Variants in PCDHA7 observed in about 807,000 individuals in gnomAD.
PCDHA7 encodes protocadherin alpha-7.
PCDHA7 carries 37 observed loss-of-function variants against 57.2 expected under a neutral mutation model. The observed-to-expected ratio is 0.65, with a 90% CI of 0.50 to 0.85. The LOEUF (loss-of-function observed/expected upper bound fraction) is 0.85, where lower values mean the gene tolerates loss of function less well. Among genes scored for constraint, PCDHA7 ranks in the 40% least tolerant of loss-of-function variants. The pLI is 0.00. For synonymous variants in PCDHA7, 553 were observed against 558.8 expected (o/e 0.99, Z 0.15); for missense variants, 1,188 against 1,241.8 (o/e 0.96, Z 0.65).
At chr5:140,956,212 C>A (rs246014) in intron 1 of PCDHA7, among the ~76,000 whole-genome samples, 85,603 of 151,956 alleles carry the variant, frequency 0.56, 24,735 homozygotes, top group African/African-American at 0.69. Context: ...AAGAGGGCAT[C>A]CTTGTCTTGT....
At chr5:140,939,243 T>C (rs1414943094) in intron 1 of PCDHA7, among the ~76,000 whole-genome samples, 1 of 152,168 alleles carries the variant, frequency 6.6e-6, no homozygotes, top group Non-Finnish European at 1.5e-5. Context: ...AGGAGCAAGG[T>C]AGCTCTCTGG....
intron 1 of PCDHA7, chr5:140,862,359 CG>C: frequency 3.0e-6 from 1 of 337,856 alleles, no homozygotes; most frequent in Non-Finnish European, 5.8e-6. Flanking sequence ...AAGGGACAGA[CG>C]ACCCGCACCC....
chr5:140,869,082 T>C (rs1554162459), intron 1 of PCDHA7: 1 of 1,582,446 alleles, frequency 6.3e-7, no homozygotes, highest in East Asian at 2.2e-5. Flanking sequence ...GAAGCTTATT[T>C]TGGAAGCCAA....
Position 140,996,044 on chromosome 5 carries a change from A to G in PCDHA7, c.2503+13481A>G, listed in dbSNP as rs569475149. Among the ~76,000 whole-genome samples, 13 of 152,366 alleles carry G rather than the reference A, an allele frequency of 8.5e-5. No homozygotes were observed. The South Asian group carries it at 1.9e-3, about 22-fold the overall frequency. Reference sequence around the variant, plus strand: ...GTTTAATGCTCCTAGCACTTAACACAGTGCTTGGCACACAGTAAAGAGGAT... The same window carrying G: ...GTTTAATGCTCCTAGCACTTAACACGGTGCTTGGCACACAGTAAAGAGGAT... On this transcript the variant is annotated intron_variant, in intron 3 of 3. Coordinates refer to ENST00000525929, the MANE Select transcript of PCDHA7 (RefSeq NM_018910.3).
chr5:140,890,128 G>T (rs1402157838), intron 1 of PCDHA7, among the ~76,000 whole-genome samples: 2 of 152,156 alleles, frequency 1.3e-5, no homozygotes, highest in East Asian at 3.9e-4. Context: ...CACTTTGGTA[G>T]CTTGAAATTG....
intron 1 of PCDHA7, among the ~76,000 whole-genome samples, chr5:140,976,409 G>C (rs1208759254): frequency 6.6e-6 from 1 of 152,064 alleles, no homozygotes; most frequent in African/African-American, 2.4e-5. Flanking sequence ...AAATTAGCCA[G>C]GTACGGTGGC....
At chr5:140,897,667 A>G (rs2066254740) in intron 1 of PCDHA7, among the ~76,000 whole-genome samples, 1 of 152,134 alleles carries the variant, frequency 6.6e-6, no homozygotes, top group Non-Finnish European at 1.5e-5. Context: ...ATGTGTCTTT[A>G]TAGCAGCATG....
At chr5:140,996,077 G>A in intron 3 of PCDHA7, among the ~76,000 whole-genome samples, 1 of 152,218 alleles carries the variant, frequency 6.6e-6, no homozygotes, top group East Asian at 1.9e-4. Flanking sequence ...GATTCAAGAT[G>A]TTTTTGCTAG....
At chr5:140,923,826 T>A (rs2081533545) in intron 1 of PCDHA7, among the ~76,000 whole-genome samples, 1 of 152,218 alleles carries the variant, frequency 6.6e-6, no homozygotes, top group East Asian at 1.9e-4. Context: ...TAGACGTCAG[T>A]GGCAGTTTAA....
chr5:140,896,486 C>T (rs2065571972), intron 1 of PCDHA7, among the ~76,000 whole-genome samples: 2 of 151,948 alleles, frequency 1.3e-5, no homozygotes, highest in African/African-American at 4.8e-5. Context: ...CCTCAGCCTC[C>T]TGAGTAGCTG....
At chr5:140,988,877 G>A (rs372950279) in intron 3 of PCDHA7, 8 of 152,310 alleles carry the variant, frequency 5.3e-5, no homozygotes, top group East Asian at 3.9e-4. Context: ...TCAGATGTAC[G>A]ATCCTGGATA....
At chr5:140,937,821 A>G (rs1270019197) in intron 1 of PCDHA7, among the ~76,000 whole-genome samples, 2 of 151,608 alleles carry the variant, frequency 1.3e-5, no homozygotes, top group Non-Finnish European at 2.9e-5. Flanking sequence ...CTGAGGCAGG[A>G]GAATGGCATG....
At chr5:141,000,414 TATATA>T (rs1398508145) in intron 3 of PCDHA7, among the ~76,000 whole-genome samples, 89 of 99,526 alleles carry the variant, frequency 8.9e-4, no homozygotes, top group African/African-American at 1.6e-3. Context: ...TATATATATA[TATATA>T]TATTTTTTTT....
chr5:140,927,420 G>A (rs782549245), intron 1 of PCDHA7: 5 of 1,614,108 alleles, frequency 3.1e-6, no homozygotes, highest in Non-Finnish European at 4.2e-6. Flanking sequence ...TGGGATCGCG[G>A]GTTGACGGCA....
chr5:140,930,892 TTTAAC>T, intron 1 of PCDHA7, among the ~76,000 whole-genome samples: 1 of 152,332 alleles, frequency 6.6e-6, no homozygotes, highest in African/African-American at 2.4e-5. Context: ...AGGGAAAAAC[TTTAAC>T]TTACTTTTCT....
At position 140,852,925 on chromosome 5, in the gene PCDHA7, C is replaced by G. The variant is rs2150525482; in HGVS notation, c.2355+16187C>G. 94 of 702,082 alleles carry G rather than the reference C, an allele frequency of 1.3e-4. 5 individuals are homozygous for G. The South Asian group carries it at 4.5e-3, about 34-fold the overall frequency. The allele number at this position is 702,082 out of a possible 1,614,324, so 43.5% of individuals were successfully genotyped here. On this transcript the variant is annotated intron_variant, in intron 1 of 3. Coordinates refer to ENST00000525929, the MANE Select transcript of PCDHA7 (RefSeq NM_018910.3). ...TCAGAGTCTCGCTCTGTTGCCCAGG[C>G]TGGAGTGCAGTGGTGCCATCTTGGC...
rs142047105 is a variant in PCDHA7, at chr5:140,842,697, A to T, written c.2355+5959A>T. 6.3e-6 allele frequency: 10 copies of T among 1,595,144 alleles called. 2 individuals are homozygous for T. The highest frequency in any genetic ancestry group is 8.6e-6 in the Non-Finnish European group (10 of 1,165,510). On this transcript the variant is annotated intron_variant, in intron 1 of 3. Transcript: ENST00000525929. ...AATGCTCCGGCGTTCGCGCAGCCCG[A>T]GTACACGGTGTTCGTGAAGGAGAAC... is the stretch of plus-strand genomic sequence containing the variant.
intron 1 of PCDHA7, among the ~76,000 whole-genome samples, chr5:140,881,799 C>A (rs368456285): frequency 3.3e-5 from 5 of 152,282 alleles, no homozygotes; most frequent in Admixed American, 2.0e-4. Flanking sequence ...TGTCCCAAAA[C>A]GAGTGTCGAA....
In PCDHA7 at chr5:140,834,581, G is replaced by C; in HGVS notation, c.198G>C (p.Ala66=). 1.2e-6 allele frequency: 2 copies of C among 1,614,124 alleles called. No individual in the cohort carries two copies. The highest frequency in any genetic ancestry group is 4.5e-5 in the East Asian group (2 of 44,890). ...LAELVPRLFR[A]VCKFRGDLLE... is the part of the protein sequence containing the mutation. ...AGCTGGTGCCGCGCCTGTTCCGGGC[G>C]GTGTGCAAATTCCGTGGGGATCTTC... Residue 66 remains alanine, a synonymous_variant, in exon 1 of 4, where the codon GCG becomes GCC. Coordinates refer to ENST00000525929, the MANE Select transcript of PCDHA7 (RefSeq NM_018910.3).
Sources: allele counts gnomAD v4.1 joint callset (sites outside exome capture counted in the v4.1 genomes callset), GRCh38; gene constraint gnomAD v4.1.1; transcripts MANE v1.5; gene names NCBI Gene and HGNC (gene_info 2026-07-23, HGNC 2026-07-21).